Variants in PLCE1 observed in about 807,000 individuals in gnomAD.
PLCE1 encodes the protein 1-phosphatidylinositol 4,5-bisphosphate phosphodiesterase epsilon-1.
PLCE1 carries 119 observed loss-of-function variants against 242.8 expected under a neutral mutation model. The ratio of observed to expected loss-of-function variants is 0.49; its 90% CI spans 0.42 to 0.57. PLCE1 has a LOEUF of 0.57. Ranked by LOEUF, PLCE1 falls within the 20% of genes least tolerant of loss-of-function variation. The probability of loss-of-function intolerance (pLI) is 0.00; values close to 1 mark genes in which losing one functional copy is unlikely to be tolerated. For synonymous variants in PLCE1, 945 were observed against 1,017.4 expected (o/e 0.93, Z 1.35); for missense variants, 2,441 against 2,788.8 (o/e 0.88, Z 2.81).
rs36054579 is a variant in PLCE1, at chr10:94,331,869, CTTTTTTTT to C, written c.*3939_*3946del. On this transcript the variant is annotated 3_prime_UTR_variant, in exon 33 of 33. Coordinates refer to ENST00000371380, the MANE Select transcript of PLCE1 (RefSeq NM_016341.4). ...GAGTCTCTATGATTACCAAGTTATT[CTTTTTTTT>C]TTTTTTTTTTTTGAGGCAAAGTCTC... The C allele has an allele frequency of 1.7e-5, 2 of 119,096 alleles. No homozygotes were observed. Among genetic ancestry groups the C allele is most frequent in the African/African-American group, 3.2e-5 (1 of 31,596 alleles). The allele number at this position is 119,096 out of a possible 1,614,324, so 7.4% of individuals were successfully genotyped here. A position where few individuals can be genotyped will look rare whatever the true frequency, so the allele number is the denominator to read the frequency against.
intron 1 of PLCE1, among the ~76,000 whole-genome samples, chr10:94,020,381 T>C (rs1250712771): frequency 1.3e-5 from 2 of 152,232 alleles, no homozygotes; most frequent in African/African-American, 2.4e-5. Flanking sequence ...AGAGGTTCTT[T>C]GTGTATTCTA....
At chr10:94,092,179 AT>A (rs909387200) in intron 2 of PLCE1, among the ~76,000 whole-genome samples, 48 of 152,094 alleles carry the variant, frequency 3.2e-4, no homozygotes, top group Non-Finnish European at 5.6e-4. Context: ...TTGTCAATGA[AT>A]TTTTTTTAAA....
intron 4 of PLCE1, 101 bp downstream of exon 4, chr10:94,171,597 T>C (rs2047981113): frequency 1.1e-6 from 1 of 926,564 alleles, no homozygotes; most frequent in African/African-American, 1.6e-5. Context: ...TGTGTTCATT[T>C]CATTCTGTCT....
intron 2 of PLCE1, among the ~76,000 whole-genome samples, chr10:94,032,932 T>C (rs1010094224): frequency 6.6e-6 from 1 of 152,084 alleles, no homozygotes; most frequent in Non-Finnish European, 1.5e-5. Flanking sequence ...TATCCACAGA[T>C]TCAACCAACT....
At chr10:94,269,097 T>A in intron 17 of PLCE1, 61 bp downstream of exon 17, 7 of 399,862 alleles carry the variant, frequency 1.8e-5, no homozygotes, top group Non-Finnish European at 2.5e-5. Flanking sequence ...CATTTGTCTT[T>A]TTTTTTTTTT....
chr10:94,320,345 A>C (rs1178386255), intron 29 of PLCE1, among the ~76,000 whole-genome samples: 1 of 151,450 alleles, frequency 6.6e-6, no homozygotes, highest in Non-Finnish European at 1.5e-5. Context: ...AAAATAGATT[A>C]TATATCTTTA....
At position 94,081,680 on chromosome 10, in the gene PLCE1, C is replaced by G. The variant is rs900431255; in HGVS notation, c.1206+49428C>G. On this transcript the variant is annotated intron_variant, in intron 2 of 32. Transcript: ENST00000371380. ...CTAAACCTTACTTAACTTGATTACA[C>G]TAATAATCAATAATGTAGGTCTGTA... Among the ~76,000 whole-genome samples the G allele has an allele frequency of 2.0e-5, 3 of 152,184 alleles. No individual in the cohort carries two copies. In the East Asian group the frequency reaches 5.8e-4, roughly 29 times the overall value.
intron 11 of PLCE1, among the ~76,000 whole-genome samples, chr10:94,255,353 T>C (rs1160097493): frequency 2.0e-5 from 3 of 152,056 alleles, no homozygotes; most frequent in Non-Finnish European, 4.4e-5. Flanking sequence ...TGTAAATTAA[T>C]TAAAATTAAA....
At chr10:94,185,974 C>T (rs2048464620) in intron 4 of PLCE1, among the ~76,000 whole-genome samples, 1 of 152,222 alleles carries the variant, frequency 6.6e-6, no homozygotes. Flanking sequence ...AGACGGACTT[C>T]GCTCCATTTC....
chr10:94,292,263 G>A (rs1039126992), intron 22 of PLCE1, among the ~76,000 whole-genome samples: 23 of 152,100 alleles, frequency 1.5e-4, no homozygotes, highest in Admixed American at 1.2e-3. Flanking sequence ...CCCTGAACAA[G>A]ACACACTACT....
chr10:94,163,914 T>G (rs2047704075), intron 3 of PLCE1, among the ~76,000 whole-genome samples: 1 of 152,196 alleles, frequency 6.6e-6, no homozygotes, highest in Non-Finnish European at 1.5e-5. Context: ...CTTATGAAGC[T>G]TAGTTTGGCT....
Position 94,329,974 on chromosome 10 carries a change from T to G in PLCE1, c.*2031T>G, listed in dbSNP as rs1189219538. The G allele has an allele frequency of 1.3e-5, 2 of 152,160 alleles. No homozygotes were observed. Among genetic ancestry groups the G allele is most frequent in the Non-Finnish European group, 2.9e-5 (2 of 68,038 alleles). 9.4% of individuals were successfully genotyped at this position (152,160 alleles called of 1,614,324 possible). On this transcript the variant is annotated 3_prime_UTR_variant, in exon 33 of 33. Transcript: ENST00000371380. Reference sequence around the variant, plus strand: ...ATTCATTCTAACAAATGCACAATGCTGCTCCATTTTAAAAATATTCCGGAA... The same window carrying G: ...ATTCATTCTAACAAATGCACAATGCGGCTCCATTTTAAAAATATTCCGGAA...
chr10:94,276,098 C>A (rs1450411776), intron 19 of PLCE1, among the ~76,000 whole-genome samples: 1 of 152,150 alleles, frequency 6.6e-6, no homozygotes, highest in East Asian at 1.9e-4. Flanking sequence ...AGCAGTTTCT[C>A]AAACTGTGTC....
intron 7 of PLCE1, among the ~76,000 whole-genome samples, chr10:94,245,486 G>A (rs1008732848): frequency 3.3e-5 from 5 of 149,982 alleles, no homozygotes; most frequent in African/African-American, 9.8e-5. Context: ...ATTAGAATAC[G>A]GTTATAAAAA....
chr10:94,190,933 G>A (rs2048643217), intron 4 of PLCE1, among the ~76,000 whole-genome samples: 1 of 152,156 alleles, frequency 6.6e-6, no homozygotes, highest in South Asian at 2.1e-4. Flanking sequence ...GACATAAAGT[G>A]GGAGAGAGAT....
intron 2 of PLCE1, among the ~76,000 whole-genome samples, chr10:94,058,530 C>G (rs74625664): frequency 1.0e-3 from 154 of 152,252 alleles, no homozygotes; most frequent in Non-Finnish European, 2.0e-3. Context: ...ATTAGTAGAG[C>G]AAGTTTTCCT....
chr10:94,127,403 G>T (rs554343031), intron 2 of PLCE1, among the ~76,000 whole-genome samples: 13 of 152,256 alleles, frequency 8.5e-5, no homozygotes, highest in South Asian at 4.1e-4. Flanking sequence ...GGTGACAGGG[G>T]TGACTGGGCC....
At chr10:94,303,636 A>G (rs550469372) in intron 24 of PLCE1, among the ~76,000 whole-genome samples, 3 of 152,368 alleles carry the variant, frequency 2.0e-5, no homozygotes, top group East Asian at 3.9e-4. Context: ...TGTATAATTA[A>G]GATTTTATCT....
chr10:94,156,201 G>A (rs554496198), intron 3 of PLCE1, among the ~76,000 whole-genome samples: 11 of 152,186 alleles, frequency 7.2e-5, no homozygotes, highest in Admixed American at 1.3e-4. Flanking sequence ...TGTATTCTCC[G>A]TCTCTCCTGA....
Sources: allele counts gnomAD v4.1 joint callset (sites outside exome capture counted in the v4.1 genomes callset), GRCh38; gene constraint gnomAD v4.1.1; transcripts MANE v1.5; gene names NCBI Gene and HGNC (gene_info 2026-07-23, HGNC 2026-07-21).